The following STAT5A variants were observed in gnomAD, a reference collection of about 807,000 sequenced individuals.
STAT5A encodes epididymis secretory sperm binding protein.
Under a neutral mutation model 100.2 loss-of-function variants are expected in STAT5A, and 26 were observed. The observed-to-expected ratio is 0.26, with a 90% CI of 0.19 to 0.36. The LOEUF (loss-of-function observed/expected upper bound fraction) is 0.36, where lower values mean the gene tolerates loss of function less well. Ranked by LOEUF, STAT5A falls within the 10% of genes least tolerant of loss-of-function variation. STAT5A has a pLI of 1.00. For synonymous variants in STAT5A, 330 were observed against 424.3 expected (o/e 0.78, Z 2.73); for missense variants, 634 against 1,027.5 (o/e 0.62, Z 5.24).
rs770289457 is a variant in STAT5A at position 42,304,524 on chromosome 17, C to T, written c.1258-6C>T. On this transcript the variant is annotated splice_region_variant and splice_polypyrimidine_tract_variant and intron_variant, in intron 10 of 18. Transcript: ENST00000590949. This position sits in a 1 kb window ranked among gnomAD's most constrained non-coding sequence, Gnocchi z 4.8. ...CCCTGTTCCCCTGTCACCTCCCACC[C>T]TGCAGTCACTGAAGAGGATCAAGCG... 2 of 1,614,230 alleles carry T rather than the reference C, an allele frequency of 1.2e-6. No homozygotes were observed. Among genetic ancestry groups the T allele is most frequent in the East Asian group, 4.5e-5 (2 of 44,888 alleles).
chr17:42,307,727 A>G lies in STAT5A; in HGVS notation c.1906+4A>G. ...ATCGCCTGGAAGTTTGACTCCCGTG[A>G]GTGCCCGTTTTGCCCACACTCCAGC... On this transcript the variant is annotated splice_donor_region_variant and intron_variant, in intron 15 of 18. Transcript: ENST00000590949. The G allele has an allele frequency of 2.5e-6, 4 of 1,613,542 alleles. No individual in the cohort carries two copies. The highest frequency in any genetic ancestry group is 3.4e-6 in the Non-Finnish European group (4 of 1,179,634).
chr17:42,297,414 C>T (rs1031957483), intron 5 of STAT5A, among the ~76,000 whole-genome samples: 15 of 152,116 alleles, frequency 9.9e-5, no homozygotes, highest in African/African-American at 3.6e-4. Flanking sequence ...TTTCTGTTTC[C>T]TGTGCATGGT....
In STAT5A at chr17:42,300,744, A is replaced by C; in HGVS notation, c.863A>C (p.Gln288Pro). The C allele has an allele frequency of 1.9e-6, 3 of 1,613,616 alleles. No individual in the cohort carries two copies. Among genetic ancestry groups the C allele is most frequent in the Non-Finnish European group, 2.5e-6 (3 of 1,179,794 alleles). The part of the protein sequence containing the change: ...WCEKLAEIIW[Q>P]NRQQIRRAEH... ...GAGAAGTTGGCCGAGATCATCTGGC[A>C]GAACCGGCAGCAGATCCGCAGGGCT... The change falls in exon 8 of 19, where the codon CAG becomes CCG. Residue 288 changes from glutamine (Q) to proline (P), a missense_variant. Physicochemically the swap from Gln to Pro is moderately conservative, Grantham distance 76. Coordinates refer to ENST00000590949, the MANE Select transcript of STAT5A (RefSeq NM_001288718.2).
Position 42,311,450 on chromosome 17 carries a change from C to A in STAT5A, c.*781C>A, listed in dbSNP as rs73983709. On this transcript the variant is annotated 3_prime_UTR_variant, in exon 19 of 19. Coordinates refer to ENST00000590949, the MANE Select transcript of STAT5A (RefSeq NM_001288718.2). ...TTCTCTCCCCTCCGTTGGGCCCCAGCCTTCTTTGCTTGCCTCTCTGTTTGT... is the reference window on the plus strand; with the variant it reads ...TTCTCTCCCCTCCGTTGGGCCCCAGACTTCTTTGCTTGCCTCTCTGTTTGT... 9,776 of 152,308 alleles carry A rather than the reference C, an allele frequency of 0.064. 731 individuals are homozygous for A. Among genetic ancestry groups the A allele is most frequent in the African/African-American group, 0.18 (7,426 of 41,448 alleles). The allele number at this position is 152,308 out of a possible 1,614,324, so 9.4% of individuals were successfully genotyped here.
At chr17:42,297,473 T>C (rs983772963) in intron 5 of STAT5A, among the ~76,000 whole-genome samples, 1 of 151,962 alleles carries the variant, frequency 6.6e-6, no homozygotes, top group African/African-American at 2.4e-5. Flanking sequence ...TCATGCAGTG[T>C]CTTCTCAGTC....
intron 18 of STAT5A, 183 bp downstream of exon 18, chr17:42,309,667 C>G: frequency 1.8e-6 from 1 of 553,758 alleles, no homozygotes; most frequent in Non-Finnish European, 3.2e-6. Flanking sequence ...AGTCCTCACT[C>G]TAGTACTAAC....
At chr17:42,295,576 C>A (rs1349586217) in intron 4 of STAT5A, 43 bp from the exon 5 acceptor site, 2 of 1,591,360 alleles carry the variant, frequency 1.3e-6, no homozygotes, top group Non-Finnish European at 8.6e-7. Flanking sequence ...GGTCTTCTCC[C>A]ATCCTCTCTT....
At chr17:42,292,304 C>T (rs888476130) in intron 4 of STAT5A, among the ~76,000 whole-genome samples, 2 of 152,048 alleles carry the variant, frequency 1.3e-5, no homozygotes, top group African/African-American at 4.8e-5. Context: ...CTCTCTGAGC[C>T]TCTGTTCCTG....
chr17:42,290,153 G>T (rs1194872085), intron 3 of STAT5A, 131 bp downstream of exon 3: 7 of 1,255,004 alleles, frequency 5.6e-6, no homozygotes, highest in African/African-American at 1.5e-5. Flanking sequence ...ACTTTTCTTC[G>T]ATTTCCCCCA....
At position 42,308,897 on chromosome 17, in the gene STAT5A, T is replaced by A; in HGVS notation, c.2063-150T>A. 1.1e-6 allele frequency: 1 copy of A among 919,284 alleles called. No individual in the cohort carries two copies. 56.9% of individuals were successfully genotyped at this position (919,284 alleles called of 1,614,324 possible). On this transcript the variant is annotated intron_variant, in intron 16 of 18. Coordinates refer to ENST00000590949, the MANE Select transcript of STAT5A (RefSeq NM_001288718.2). This position sits in a 1 kb window ranked among gnomAD's most constrained non-coding sequence, Gnocchi z 4.6. ...TGACCCTCAGGCAGGATTCATCAGC[T>A]GGTGTTTATTGGGGGTCCTTGGGAA...
At position 42,309,232 on chromosome 17, in the gene STAT5A, T is replaced by A. The variant is rs28395850; in HGVS notation, c.2114+134T>A. The A allele has an allele frequency of 3.4e-3, 5,325 of 1,549,172 alleles. 163 individuals carry two copies. The African/African-American group carries it at 0.064, about 19-fold the overall frequency. ...TCTCAGCCCTGGGGAGGGAGTCCCC[T>A]CTCCTGTAGCTGGAGCCCCAGGGCC... On this transcript the variant is annotated intron_variant, in intron 17 of 18. Transcript: ENST00000590949.
Position 42,307,436 on chromosome 17 carries a change from A to G in STAT5A, c.1715A>G (p.Gln572Arg), listed in dbSNP as rs1356630133. The change falls in exon 14 of 19, where the codon CAG becomes CGG. Residue 572 changes from glutamine (Q) to arginine (R), a missense_variant. By Grantham distance (43) the Gln-to-Arg change is conservative. Coordinates refer to ENST00000590949, the MANE Select transcript of STAT5A (RefSeq NM_001288718.2). ...NLPGWNYTFWQWFDGVMEVLK... is the reference protein window; with the variant it reads ...NLPGWNYTFWRWFDGVMEVLK... ...CCGGGCTGGAACTACACCTTCTGGC[A>G]GTGGTTTGACGGGGTGATGGAGGTG... The G allele has an allele frequency of 6.2e-7, 1 of 1,614,056 alleles. No individual in the cohort carries two copies. Among genetic ancestry groups the G allele is most frequent in the Admixed American group, 1.7e-5 (1 of 59,998 alleles).
intron 5 of STAT5A, 127 bp from the exon 6 acceptor site, chr17:42,299,624 C>T (rs2080955334): frequency 1.3e-6 from 2 of 1,498,472 alleles, no homozygotes; most frequent in Non-Finnish European, 1.8e-6. Flanking sequence ...GTCAGGAACC[C>T]CGACTTGCTC....
chr17:42,292,338 C>CT (rs1044304735), intron 4 of STAT5A, among the ~76,000 whole-genome samples: 8 of 150,312 alleles, frequency 5.3e-5, no homozygotes, highest in African/African-American at 1.7e-4. Context: ...TTTCTTTTTT[C>CT]TTTTTTTTGA....
chr17:42,289,173 C>A lies in STAT5A; in HGVS notation c.-10-229C>A, dbSNP rs182821049. ...GGGGAGAGGAAGACGGGGAGGGCACCTGCCTCTGCAGAGCACCTTCCCCTC... is the reference window on the plus strand; with the variant it reads ...GGGGAGAGGAAGACGGGGAGGGCACATGCCTCTGCAGAGCACCTTCCCCTC... On this transcript the variant is annotated intron_variant, in intron 1 of 18. Transcript: ENST00000590949. The A allele has an allele frequency of 5.4e-4, 228 of 425,050 alleles. 1 individual carries two copies. Among genetic ancestry groups the A allele is most frequent in the Middle Eastern group, 2.5e-3 (4 of 1,570 alleles). 26.3% of individuals were successfully genotyped at this position (425,050 alleles called of 1,614,324 possible). A position where few individuals can be genotyped will look rare whatever the true frequency, so the allele number is the denominator to read the frequency against.
chr17:42,310,810 A>G lies in STAT5A; in HGVS notation c.*141A>G, dbSNP rs2081073774. On this transcript the variant is annotated 3_prime_UTR_variant, in exon 19 of 19. Transcript: ENST00000590949. The stretch of plus-strand genomic sequence containing the variant: ...TGTGTGTGTGTGTGTGTCCTTGTGC[A>G]TGAGCTACGCCTGCCTCCCCTGTGC... The G allele has an allele frequency of 7.1e-7, 1 of 1,416,846 alleles. No individual in the cohort carries two copies. The highest frequency in any genetic ancestry group is 9.5e-7 in the Non-Finnish European group (1 of 1,054,208). The allele number at this position is 1,416,846 out of a possible 1,614,324, so 87.8% of individuals were successfully genotyped here.
At chr17:42,294,246 G>C (rs549462237) in intron 4 of STAT5A, among the ~76,000 whole-genome samples, 1 of 152,052 alleles carries the variant, frequency 6.6e-6, no homozygotes, top group South Asian at 2.1e-4. Flanking sequence ...TAGAAACCAG[G>C]TCACAAAGGG....
At chr17:42,289,187 C>T in intron 1 of STAT5A, 1 of 483,474 alleles carries the variant, frequency 2.1e-6, no homozygotes, top group Non-Finnish European at 3.6e-6. Context: ...CTCTGCAGAG[C>T]ACCTTCCCCT....
At chr17:42,292,802 G>A (rs1212856308) in intron 4 of STAT5A, among the ~76,000 whole-genome samples, 1 of 151,506 alleles carries the variant, frequency 6.6e-6, no homozygotes, top group African/African-American at 2.4e-5. Flanking sequence ...AATTTTTTTT[G>A]TATTTTTAGT....
Sources: gnomAD v4.1 joint callset for allele counts (sites outside exome capture counted in the v4.1 genomes callset) on GRCh38, gnomAD v4.1.1 for gene constraint, Gnocchi (gnomAD v3.1) non-coding constraint, MANE v1.5 for transcripts, NCBI Gene and HGNC (gene_info 2026-07-23, HGNC 2026-07-21) for gene names.